MACROD2: variants seen among roughly 807,000 people sequenced by gnomAD.
The protein encoded by MACROD2 is ADP-ribose glycohydrolase MACROD2.
Under a neutral mutation model 70.4 loss-of-function variants are expected in MACROD2, and 36 were observed. The observed-to-expected ratio is 0.51, with a 90% CI of 0.39 to 0.68. The LOEUF is 0.68. Ranked by LOEUF, MACROD2 falls within the 30% of genes least tolerant of loss-of-function variation. The pLI is 0.00. For missense variants in MACROD2, 496 were observed against 538.4 expected, an observed-to-expected ratio of 0.92 and a Z score of 0.78; for synonymous variants, 172 against 178.8, an observed-to-expected ratio of 0.96 and a Z score of 0.30.
At chr20:14,606,962 C>G (rs1982845583) in intron 4 of MACROD2, among the ~76,000 whole-genome samples, 1 of 152,138 alleles carries the variant, frequency 6.6e-6, no homozygotes, top group Non-Finnish European at 1.5e-5. Context: ...TTCAAGGCAC[C>G]CATAGTCCTA....
chr20:16,031,099 A>G (rs986655901), intron 15 of MACROD2, among the ~76,000 whole-genome samples: 2 of 152,180 alleles, frequency 1.3e-5, no homozygotes, highest in African/African-American at 4.8e-5. Flanking sequence ...ATCCAGGAGA[A>G]AATATTCACA....
At chr20:15,857,936 G>A (rs2064376305) in intron 8 of MACROD2, among the ~76,000 whole-genome samples, 1 of 152,180 alleles carries the variant, frequency 6.6e-6, no homozygotes, top group Non-Finnish European at 1.5e-5. Flanking sequence ...ATCTCTGGAT[G>A]TGAGGTTCAT....
chr20:15,724,433 G>C (rs2050832030), intron 8 of MACROD2, among the ~76,000 whole-genome samples: 1 of 151,778 alleles, frequency 6.6e-6, no homozygotes, highest in African/African-American at 2.4e-5. Flanking sequence ...GATCCATTTG[G>C]AGTAAATTTT....
chr20:14,694,078 A>G (rs2071092773), intron 5 of MACROD2, among the ~76,000 whole-genome samples: 1 of 152,180 alleles, frequency 6.6e-6, no homozygotes, highest in Non-Finnish European at 1.5e-5. Flanking sequence ...ATGCTAATGA[A>G]CAAGTCACAT....
intron 8 of MACROD2, among the ~76,000 whole-genome samples, chr20:15,580,524 C>A (rs1216539413): frequency 6.6e-6 from 1 of 152,200 alleles, no homozygotes; most frequent in Non-Finnish European, 1.5e-5. Context: ...CACTGGGTTT[C>A]CAAACCCATA....
At chr20:14,698,073 C>T (rs1312147569) in intron 5 of MACROD2, among the ~76,000 whole-genome samples, 2 of 152,112 alleles carry the variant, frequency 1.3e-5, no homozygotes, top group African/African-American at 4.8e-5. Context: ...AGGGACCTCA[C>T]CCTCATGGAA....
chr20:15,711,774 C>G (rs2050633106), intron 8 of MACROD2, among the ~76,000 whole-genome samples: 1 of 152,176 alleles, frequency 6.6e-6, no homozygotes, highest in African/African-American at 2.4e-5. Flanking sequence ...AGTAATAGCA[C>G]CTTTGCTTGA....
chr20:15,275,124 T>C (rs560474805), intron 6 of MACROD2, among the ~76,000 whole-genome samples: 2 of 152,354 alleles, frequency 1.3e-5, no homozygotes, highest in Non-Finnish European at 1.5e-5. Flanking sequence ...AAGTTAACTA[T>C]GCCCAGACCC....
At chr20:14,698,436 C>T (rs2071152453) in intron 5 of MACROD2, among the ~76,000 whole-genome samples, 1 of 152,158 alleles carries the variant, frequency 6.6e-6, no homozygotes, top group African/African-American at 2.4e-5. Flanking sequence ...ACTCAGAGCA[C>T]TGCTTAACTC....
intron 5 of MACROD2, among the ~76,000 whole-genome samples, chr20:15,038,067 G>A (rs1003975009): frequency 1.3e-5 from 2 of 152,092 alleles, no homozygotes; most frequent in African/African-American, 4.8e-5. Context: ...GTACAATTAT[G>A]TGTCAATTAG....
intron 6 of MACROD2, among the ~76,000 whole-genome samples, chr20:15,387,104 G>A (rs2045724030): frequency 6.6e-6 from 1 of 152,110 alleles, no homozygotes; most frequent in African/African-American, 2.4e-5. Context: ...GTAAGTGTGA[G>A]GAAAACAAAG....
chr20:15,269,809 ACT>A (rs1311884551), intron 6 of MACROD2, among the ~76,000 whole-genome samples: 1 of 151,816 alleles, frequency 6.6e-6, no homozygotes, highest in Non-Finnish European at 1.5e-5. Context: ...TGTCCCTGAA[ACT>A]CTTTCTCTCT....
At chr20:15,580,457 A>G (rs1175640336) in intron 8 of MACROD2, among the ~76,000 whole-genome samples, 1 of 152,142 alleles carries the variant, frequency 6.6e-6, no homozygotes, top group Non-Finnish European at 1.5e-5. Context: ...TCCTCAGAGA[A>G]TTAGCTATGT....
At chr20:14,451,754 GA>G (rs1233520353) in intron 3 of MACROD2, among the ~76,000 whole-genome samples, 1 of 152,180 alleles carries the variant, frequency 6.6e-6, no homozygotes, top group Non-Finnish European at 1.5e-5. Context: ...CTGTGTGCAA[GA>G]AAGTGGTAAG....
At chr20:15,021,433 T>A (rs1411814716) in intron 5 of MACROD2, 5 of 150,124 alleles carry the variant, frequency 3.3e-5, no homozygotes, top group Non-Finnish European at 5.9e-5. Context: ...GTCTTCTATA[T>A]ATACACAGAT....
At chr20:14,652,651 C>T (rs1488976179) in intron 4 of MACROD2, among the ~76,000 whole-genome samples, 1 of 152,230 alleles carries the variant, frequency 6.6e-6, no homozygotes, top group Non-Finnish European at 1.5e-5. Flanking sequence ...CACTCAAGAC[C>T]ACCAGGTTGA....
intron 10 of MACROD2, among the ~76,000 whole-genome samples, chr20:15,899,012 T>C (rs950559950): frequency 1.1e-4 from 16 of 151,742 alleles, no homozygotes; most frequent in Admixed American, 7.9e-4. Flanking sequence ...GTATGTGCTA[T>C]CTATTGTATG....
At chr20:14,129,579 G>T (rs2054692704) in intron 3 of MACROD2, among the ~76,000 whole-genome samples, 1 of 152,176 alleles carries the variant, frequency 6.6e-6, no homozygotes, top group Admixed American at 6.5e-5. Flanking sequence ...CTGCAAATTT[G>T]AAAGAAGTTC....
intron 3 of MACROD2, among the ~76,000 whole-genome samples, chr20:14,237,822 GC>G (rs1391163233): frequency 6.6e-6 from 1 of 151,238 alleles, no homozygotes; most frequent in Non-Finnish European, 1.5e-5. Flanking sequence ...GCGATAATTT[GC>G]TGAGAATGAT....
Sources: gnomAD v4.1 joint callset for allele counts (sites outside exome capture counted in the v4.1 genomes callset) on GRCh38, gnomAD v4.1.1 for gene constraint, MANE v1.5 for transcripts, NCBI Gene and HGNC (gene_info 2026-07-23, HGNC 2026-07-21) for gene names.